The following KCNN3 variants were observed in gnomAD, a reference collection of about 807,000 sequenced individuals.
The protein encoded by KCNN3 is potassium calcium-activated channel subfamily N member 3, also known as small conductance calcium-activated potassium channel protein 3.
KCNN3 carries 16 observed loss-of-function variants against 62.9 expected under a neutral mutation model. The ratio of observed to expected loss-of-function variants is 0.25; its 90% CI spans 0.17 to 0.39. The LOEUF is 0.39. Among genes scored for constraint, KCNN3 ranks in the 10% least tolerant of loss-of-function variants. The pLI is 1.00. For missense variants in KCNN3, 599 were observed against 949.4 expected, an observed-to-expected ratio of 0.63 and a Z score of 4.85; for synonymous variants, 370 against 389.2, an observed-to-expected ratio of 0.95 and a Z score of 0.58.
intron 2 of KCNN3, among the ~76,000 whole-genome samples, chr1:154,773,653 C>G (rs1050767956): frequency 2.6e-5 from 4 of 152,180 alleles, no homozygotes; most frequent in African/African-American, 9.7e-5. Flanking sequence ...GGGAACCACC[C>G]CCTCCTTTTT....
At chr1:154,721,637 G>A (rs1395371267) in intron 5 of KCNN3, among the ~76,000 whole-genome samples, 1 of 152,062 alleles carries the variant, frequency 6.6e-6, no homozygotes, top group Non-Finnish European at 1.5e-5. Flanking sequence ...CTCTCTGAGG[G>A]CAGTCAGCCA....
chr1:154,789,228 T>A (rs567574881), intron 2 of KCNN3, among the ~76,000 whole-genome samples: 17 of 152,320 alleles, frequency 1.1e-4, no homozygotes, highest in Admixed American at 9.1e-4. Context: ...CCATCACTCG[T>A]CCTGCTTCCT....
At chr1:154,714,231 G>C (rs1700155065) in intron 6 of KCNN3, among the ~76,000 whole-genome samples, 1 of 11,098 alleles carries the variant, frequency 9.0e-5, no homozygotes, top group Non-Finnish European at 2.0e-4. Flanking sequence ...GTGTGTGTGG[G>C]GTGTGTGCGG....
intron 1 of KCNN3, among the ~76,000 whole-genome samples, chr1:154,858,101 C>T (rs867050141): frequency 1.4e-4 from 21 of 152,290 alleles, no homozygotes; most frequent in Admixed American, 3.3e-4. Context: ...ATAGTGTGCA[C>T]CCCGTCAGGT....
At chr1:154,776,782 G>A (rs1053220826) in intron 2 of KCNN3, among the ~76,000 whole-genome samples, 9 of 152,284 alleles carry the variant, frequency 5.9e-5, no homozygotes, top group Middle Eastern at 3.4e-3. Context: ...TACTTGCGTC[G>A]CACATTAGAA....
chr1:154,729,458 T>C (rs1700545121), intron 4 of KCNN3, among the ~76,000 whole-genome samples: 1 of 152,022 alleles, frequency 6.6e-6, no homozygotes, highest in African/African-American at 2.4e-5. Flanking sequence ...ACTCTAGAGA[T>C]TCGGACCCAA....
At chr1:154,744,257 C>T (rs1183037300) in intron 3 of KCNN3, among the ~76,000 whole-genome samples, 1 of 152,078 alleles carries the variant, frequency 6.6e-6, no homozygotes, top group Non-Finnish European at 1.5e-5. Flanking sequence ...GGCTCCACTT[C>T]GTCTTTCTCA....
At chr1:154,784,126 T>A (rs1649177133) in intron 2 of KCNN3, among the ~76,000 whole-genome samples, 1 of 152,092 alleles carries the variant, frequency 6.6e-6, no homozygotes, top group Non-Finnish European at 1.5e-5. Context: ...CCAATTATAT[T>A]TGAAGCAGTA....
Position 154,702,850 on chromosome 1 carries a change from C to T in KCNN3, c.*5126G>A, listed in dbSNP as rs938799076. On this transcript the variant is annotated 3_prime_UTR_variant, in exon 8 of 8. Transcript: ENST00000271915. Reference sequence around the variant, plus strand: ...TTTCCTCCACCAGCTTGGTTGGTCACGATGTGTCTCTTTTGCTTGTTTCAA... The same window carrying T: ...TTTCCTCCACCAGCTTGGTTGGTCATGATGTGTCTCTTTTGCTTGTTTCAA... The T allele has an allele frequency of 1.3e-5, 2 of 150,574 alleles. No individual in the cohort carries two copies. Among genetic ancestry groups the T allele is most frequent in the Non-Finnish European group, 3.0e-5 (2 of 67,746 alleles). The allele number at this position is 150,574 out of a possible 1,614,324, so 9.3% of individuals were successfully genotyped here.
At chr1:154,828,871 A>G (rs1340079482) in intron 1 of KCNN3, among the ~76,000 whole-genome samples, 3 of 152,244 alleles carry the variant, frequency 2.0e-5, no homozygotes, top group Non-Finnish European at 4.4e-5. Flanking sequence ...TTATAAAGAT[A>G]TCCCTGAGGC....
chr1:154,806,522 G>A lies in KCNN3; in HGVS notation c.1029+15567C>T, dbSNP rs114741663. 2.1e-3 allele frequency among the ~76,000 whole-genome samples: 327 copies of A among 152,288 alleles called. 3 individuals are homozygous for A. The highest frequency in any genetic ancestry group is 7.4e-3 in the African/African-American group (308 of 41,550). On this transcript the variant is annotated intron_variant, in intron 2 of 7. Coordinates refer to ENST00000271915, the MANE Select transcript of KCNN3 (RefSeq NM_002249.6). ...ATTTGCCCGAGGTCACCCATTAGACGGCAGCAGAGCTGAGATTAGAACTCT... is the reference window on the plus strand; with the variant it reads ...ATTTGCCCGAGGTCACCCATTAGACAGCAGCAGAGCTGAGATTAGAACTCT...
intron 1 of KCNN3, among the ~76,000 whole-genome samples, chr1:154,858,860 G>T (rs1218588): frequency 6.6e-6 from 1 of 151,714 alleles, no homozygotes; most frequent in African/African-American, 2.4e-5. Flanking sequence ...GTGAGCCACC[G>T]CATAACTTCT....
intron 3 of KCNN3, chr1:154,737,006 G>A (rs944687569): frequency 1.4e-6 from 1 of 701,772 alleles, no homozygotes; most frequent in Non-Finnish European, 2.6e-6. Flanking sequence ...CAGTGGCTTG[G>A]AGCTTCGTCA....
intron 7 of KCNN3, among the ~76,000 whole-genome samples, chr1:154,710,418 A>C (rs1174650569): frequency 6.6e-6 from 1 of 152,220 alleles, no homozygotes; most frequent in African/African-American, 2.4e-5. Flanking sequence ...CGAATGTCAG[A>C]GTTCATCTCC....
chr1:154,802,423 GA>G (rs1226196817), intron 2 of KCNN3, among the ~76,000 whole-genome samples: 1 of 152,210 alleles, frequency 6.6e-6, no homozygotes, highest in African/African-American at 2.4e-5. Flanking sequence ...GGGTGGGTAA[GA>G]TCTATTCTCA....
At chr1:154,826,593 G>A (rs527596846) in intron 1 of KCNN3, among the ~76,000 whole-genome samples, 79 of 152,330 alleles carry the variant, frequency 5.2e-4, no homozygotes, top group Non-Finnish European at 9.9e-4. Context: ...TGGCGGCCAC[G>A]CCTTGCTGGC....
At chr1:154,759,548 C>T (rs904876809) in intron 3 of KCNN3, among the ~76,000 whole-genome samples, 3 of 152,214 alleles carry the variant, frequency 2.0e-5, no homozygotes, top group African/African-American at 7.2e-5. Flanking sequence ...AAGCCCCATG[C>T]CCTTAGGCAT....
intron 1 of KCNN3, among the ~76,000 whole-genome samples, chr1:154,832,200 C>T: frequency 6.6e-6 from 1 of 151,910 alleles, no homozygotes; most frequent in Middle Eastern, 3.4e-3. Context: ...AAATGGGCTC[C>T]TGATGAGCTT....
chr1:154,792,655 T>C (rs533709202), intron 2 of KCNN3, among the ~76,000 whole-genome samples: 6 of 152,306 alleles, frequency 3.9e-5, no homozygotes, highest in African/African-American at 1.4e-4. Context: ...TTGTCAAACC[T>C]TGAAGAAGGG....
Sources: allele counts gnomAD v4.1 joint callset (sites outside exome capture counted in the v4.1 genomes callset), GRCh38; gene constraint gnomAD v4.1.1; transcripts MANE v1.5; gene names NCBI Gene and HGNC (gene_info 2026-07-23, HGNC 2026-07-21).